The following ADGB variants were observed in gnomAD, a reference collection of about 807,000 sequenced individuals.
ADGB encodes androglobin, also known as calpain-7-like protein.
In ADGB, 172 loss-of-function variants were observed where a neutral mutation model predicts 210.5. The observed-to-expected ratio is 0.82, with a 90% confidence interval of 0.72 to 0.93. The LOEUF (loss-of-function observed/expected upper bound fraction) is 0.93. ADGB is among the 40% of genes least tolerant of loss of function. ADGB has a pLI of 0.00. For synonymous variants in ADGB, 658 were observed against 662.7 expected (o/e 0.99, Z 0.11); for missense variants, 2,025 against 1,964.8 (o/e 1.03, Z -0.58).
intron 25 of ADGB, among the ~76,000 whole-genome samples, chr6:146,744,048 C>T (rs2114602135): frequency 6.6e-6 from 1 of 152,256 alleles, no homozygotes; most frequent in South Asian, 2.1e-4. Context: ...GAACATTTAT[C>T]CAAACAACCT....
chr6:146,772,774 G>A (rs908055942), intron 29 of ADGB, among the ~76,000 whole-genome samples: 2 of 151,538 alleles, frequency 1.3e-5, no homozygotes, highest in African/African-American at 4.9e-5. Flanking sequence ...GTAAAATTTT[G>A]TAAATTTGGG....
At chr6:146,621,188 G>T (rs1583562402) in intron 1 of ADGB, among the ~76,000 whole-genome samples, 1 of 152,190 alleles carries the variant, frequency 6.6e-6, no homozygotes, top group East Asian at 1.9e-4. Flanking sequence ...TATTAATTCT[G>T]ATCTTTTAGT....
intron 1 of ADGB, among the ~76,000 whole-genome samples, chr6:146,626,326 G>A (rs1169561470): frequency 6.6e-6 from 1 of 151,824 alleles, no homozygotes; most frequent in Non-Finnish European, 1.5e-5. Flanking sequence ...AAAATAACTT[G>A]TGTATTTTGC....
intron 3 of ADGB, among the ~76,000 whole-genome samples, chr6:146,646,542 G>C (rs1262071239): frequency 2.6e-5 from 4 of 152,054 alleles, no homozygotes; most frequent in Admixed American, 2.0e-4. Context: ...GTGCCCAGGA[G>C]TCAAGACTCT....
At chr6:146,806,188 C>T (rs796947626) in intron 35 of ADGB, among the ~76,000 whole-genome samples, 18 of 152,110 alleles carry the variant, frequency 1.2e-4, no homozygotes, top group African/African-American at 3.1e-4. Context: ...AGATAGGAAA[C>T]GGGGAAAAAA....
chr6:146,799,789 A>G (rs2114663285), intron 33 of ADGB, among the ~76,000 whole-genome samples: 1 of 152,052 alleles, frequency 6.6e-6, no homozygotes, highest in South Asian at 2.1e-4. Flanking sequence ...GTGAAACGTA[A>G]AACTGTTTCT....
intron 28 of ADGB, among the ~76,000 whole-genome samples, chr6:146,765,357 T>C (rs1777556109): frequency 6.6e-6 from 1 of 151,722 alleles, no homozygotes; most frequent in Admixed American, 6.6e-5. Context: ...GAAAAAAAAA[T>C]CTAAATATAA....
chr6:146,734,290 G>C (rs1328549894), intron 22 of ADGB, among the ~76,000 whole-genome samples: 3 of 152,154 alleles, frequency 2.0e-5, no homozygotes, highest in Non-Finnish European at 4.4e-5. Context: ...TGCATTATCA[G>C]CTTTGTTTTC....
At chr6:146,610,389 G>C (rs1780689275) in intron 1 of ADGB, among the ~76,000 whole-genome samples, 1 of 152,122 alleles carries the variant, frequency 6.6e-6, no homozygotes, top group Non-Finnish European at 1.5e-5. Context: ...GAGCTAGTAT[G>C]GTCATTTGGA....
intron 10 of ADGB, among the ~76,000 whole-genome samples, chr6:146,687,368 C>T (rs1366078022): frequency 2.0e-5 from 3 of 152,056 alleles, no homozygotes; most frequent in Admixed American, 1.3e-4. Flanking sequence ...AATGCTCTAA[C>T]TCATTGGACT....
At chr6:146,719,369 G>C (rs1776783149) in intron 16 of ADGB, among the ~76,000 whole-genome samples, 1 of 151,880 alleles carries the variant, frequency 6.6e-6, no homozygotes, top group Admixed American at 6.6e-5. Context: ...GATAAGCACA[G>C]AATTTTTTTT....
intron 10 of ADGB, 88 bp downstream of exon 10, chr6:146,685,916 A>G: frequency 1.4e-6 from 1 of 721,182 alleles, no homozygotes; most frequent in Non-Finnish European, 2.0e-6. Flanking sequence ...GGTAGAAGGC[A>G]CATGAAAATT....
intron 5 of ADGB, 129 bp from the exon 6 acceptor site, chr6:146,664,072 T>C: frequency 1.2e-6 from 1 of 858,730 alleles, no homozygotes; most frequent in Admixed American, 3.2e-5. Flanking sequence ...AGTATCTCCG[T>C]CTTTCAGTGT....
At chr6:146,724,422 A>C in intron 18 of ADGB, 95 bp downstream of exon 18, 1 of 1,288,230 alleles carries the variant, frequency 7.8e-7, no homozygotes. Context: ...ACTCTAAGAC[A>C]TTGTTTCTCA....
intron 1 of ADGB, among the ~76,000 whole-genome samples, chr6:146,615,194 C>T (rs1037646365): frequency 3.9e-5 from 6 of 151,988 alleles, no homozygotes; most frequent in Admixed American, 1.3e-4. Context: ...GCGTGAGCCA[C>T]CACACCAGCC....
rs540854897 is a variant in ADGB, at chr6:146,796,393, G to A, written c.4538-4790G>A. Among the ~76,000 whole-genome samples the A allele has an allele frequency of 6.6e-4, 101 of 152,030 alleles. 6 individuals are homozygous for A. The South Asian group carries it at 0.019, about 28-fold the overall frequency. On this transcript the variant is annotated intron_variant, in intron 33 of 35. Transcript: ENST00000397944. ...AAAAGAGCCTACATAGTGAAAGCACGACCAATCTGCATAGCCAAAGCAAGA... is the reference window on the plus strand; with the variant it reads ...AAAAGAGCCTACATAGTGAAAGCACAACCAATCTGCATAGCCAAAGCAAGA...
intron 20 of ADGB, among the ~76,000 whole-genome samples, chr6:146,731,156 G>T (rs1583611282): frequency 6.6e-6 from 1 of 152,142 alleles, no homozygotes; most frequent in East Asian, 1.9e-4. Context: ...TGGCAATGCT[G>T]CCTGAGGCGC....
intron 29 of ADGB, among the ~76,000 whole-genome samples, chr6:146,781,721 A>G (rs1474023030): frequency 1.3e-5 from 2 of 152,190 alleles, no homozygotes; most frequent in South Asian, 2.1e-4. Context: ...TATGCAATAA[A>G]TGAAACAAAT....
intron 13 of ADGB, among the ~76,000 whole-genome samples, chr6:146,710,202 C>T (rs1776640328): frequency 1.3e-5 from 2 of 151,084 alleles, no homozygotes; most frequent in African/African-American, 4.9e-5. Context: ...GAAATTTGCC[C>T]TATTCTTAGG....
Sources: gnomAD v4.1 joint callset for allele counts (sites outside exome capture counted in the v4.1 genomes callset) on GRCh38, gnomAD v4.1.1 for gene constraint, MANE v1.5 for transcripts, NCBI Gene and HGNC (gene_info 2026-07-23, HGNC 2026-07-21) for gene names.